The following CNOT11 variants were observed in gnomAD, a reference collection of about 807,000 sequenced individuals.
CNOT11 encodes the protein CCR4-NOT transcription complex subunit 11.
Under a neutral mutation model 44.6 loss-of-function variants are expected in CNOT11, and 18 were observed. That is an observed-to-expected ratio of 0.40 (90% CI 0.28 to 0.60). CNOT11 has a LOEUF of 0.60. Ranked by LOEUF, CNOT11 falls within the 20% of genes least tolerant of loss-of-function variation. CNOT11 has a pLI of 0.38. For synonymous variants in CNOT11, 291 were observed against 270.9 expected (o/e 1.07, Z -0.73); for missense variants, 513 against 677.0 (o/e 0.76, Z 2.69).
intron 1 of CNOT11, among the ~76,000 whole-genome samples, chr2:101,254,799 G>C (rs1028776331): frequency 2.6e-5 from 4 of 152,140 alleles, no homozygotes; most frequent in Non-Finnish European, 5.9e-5. Flanking sequence ...TCAGGAGTTT[G>C]AGGCAGGAGG....
intron 5 of CNOT11, among the ~76,000 whole-genome samples, chr2:101,268,183 C>T (rs1336547360): frequency 2.2e-5 from 3 of 139,254 alleles, no homozygotes; most frequent in African/African-American, 7.7e-5. Context: ...TTGTTGAAAA[C>T]GTGCTGCTGC....
At chr2:101,259,102 C>G (rs927508396) in intron 2 of CNOT11, among the ~76,000 whole-genome samples, 3 of 152,112 alleles carry the variant, frequency 2.0e-5, no homozygotes, top group Non-Finnish European at 2.9e-5. Flanking sequence ...CCACTGCACT[C>G]CAGCCTGCAC....
intron 5 of CNOT11, among the ~76,000 whole-genome samples, chr2:101,267,974 T>A (rs1368211572): frequency 1.3e-5 from 2 of 152,200 alleles, no homozygotes; most frequent in African/African-American, 2.4e-5. Context: ...TGAAAAAATC[T>A]ATGTGAAATT....
At position 101,253,199 on chromosome 2, in the gene CNOT11, G is replaced by T. The variant is rs1681662885; in HGVS notation, c.235G>T (p.Ala79Ser). The T allele has an allele frequency of 3.1e-6, 5 of 1,601,508 alleles. No individual in the cohort carries two copies. The highest frequency in any genetic ancestry group is 4.3e-6 in the Non-Finnish European group (5 of 1,176,072). ...CCTGCTGAGCATCATATCGGAGGAG[G>T]CGGGCGGCGGCAGCACCTTCGAGGG... ...SSLLSIISEE[A>S]GGGSTFEGLS... is the part of the protein sequence containing the mutation. Residue 79 changes from alanine to serine, a missense_variant, in exon 1 of 7, where the codon GCG becomes TCG. By Grantham distance (99) the Ala-to-Ser change is moderately conservative. Around this residue, in one of 4 missense-constraint regions of CNOT11, gnomAD observed 259 missense variants for 265.7 expected, o/e 0.97. Transcript: ENST00000289382. The surrounding 1 kb of genome is among the most constrained non-coding windows in gnomAD (Gnocchi z 4.3).
At chr2:101,257,048 C>CAA (rs552843181) in intron 1 of CNOT11, among the ~76,000 whole-genome samples, 2 of 135,056 alleles carry the variant, frequency 1.5e-5, no homozygotes, top group Non-Finnish European at 3.2e-5. Flanking sequence ...GATTCCATCT[C>CAA]AAAAAAAAAA....
At chr2:101,261,433 G>A (rs1681859652) in intron 2 of CNOT11, among the ~76,000 whole-genome samples, 1 of 152,184 alleles carries the variant, frequency 6.6e-6, no homozygotes, top group African/African-American at 2.4e-5. Flanking sequence ...CCTTCACACT[G>A]TGGAGTACCA....
At position 101,253,125 on chromosome 2, in the gene CNOT11, C is replaced by T. The variant is rs749858892; in HGVS notation, c.161C>T (p.Pro54Leu). 263 of 1,541,824 alleles carry T rather than the reference C, an allele frequency of 1.7e-4. No individual in the cohort carries two copies. Among genetic ancestry groups the T allele is most frequent in the Non-Finnish European group, 2.2e-4 (256 of 1,151,722 alleles). ...ASGPGSGSGGPGGPAGRMSLT... is the reference protein window; with the variant it reads ...ASGPGSGSGGLGGPAGRMSLT... Reference sequence around the variant, plus strand: ...GGCCCCGGGTCCGGGAGCGGAGGCCCGGGGGGCCCCGCGGGCAGGATGAGC... The same window carrying T: ...GGCCCCGGGTCCGGGAGCGGAGGCCTGGGGGGCCCCGCGGGCAGGATGAGC... The change falls in exon 1 of 7, where the codon CCG becomes CTG. Residue 54 changes from proline to leucine, a missense_variant. Physicochemically the swap from Pro to Leu is moderately conservative, Grantham distance 98. Around this residue, in one of 4 missense-constraint regions of CNOT11, gnomAD observed 259 missense variants for 265.7 expected, o/e 0.97. Transcript: ENST00000289382. The surrounding 1 kb of genome is among the most constrained non-coding windows in gnomAD (Gnocchi z 4.3).
chr2:101,261,357 G>T (rs1681857681), intron 2 of CNOT11, among the ~76,000 whole-genome samples: 1 of 152,144 alleles, frequency 6.6e-6, no homozygotes, highest in Non-Finnish European at 1.5e-5. Context: ...TCTGTTGGGG[G>T]TTGACAGATG....
intron 2 of CNOT11, among the ~76,000 whole-genome samples, chr2:101,260,726 A>C (rs1681837285): frequency 6.6e-6 from 1 of 152,206 alleles, no homozygotes; most frequent in Non-Finnish European, 1.5e-5. Context: ...GTTTTACCCT[A>C]ACAATGAGTT....
chr2:101,267,972 TC>T (rs992104227), intron 5 of CNOT11, among the ~76,000 whole-genome samples: 2 of 152,090 alleles, frequency 1.3e-5, no homozygotes, highest in African/African-American at 4.8e-5. Flanking sequence ...TTTGAAAAAA[TC>T]TATGTGAAAT....
Position 101,270,205 on chromosome 2 carries a change from G to GT in CNOT11, c.*793dup, listed in dbSNP as rs1463243641. The GT allele has an allele frequency of 6.6e-6, 1 of 152,612 alleles. No individual in the cohort carries two copies. The highest frequency in any genetic ancestry group is 1.5e-5 in the Non-Finnish European group (1 of 68,052). 9.5% of individuals were successfully genotyped at this position (152,612 alleles called of 1,614,324 possible). A position where few individuals can be genotyped will look rare whatever the true frequency, so the allele number is the denominator to read the frequency against. On this transcript the variant is annotated 3_prime_UTR_variant, in exon 7 of 7. Coordinates refer to ENST00000289382, the MANE Select transcript of CNOT11 (RefSeq NM_017546.5). ...GGGTCTGCACCCTCCTGTCTGGGTG[G>GT]TGGATGTGGGTTTGAGAAGTAGGAG...
chr2:101,265,586 T>C (rs1424482601), intron 4 of CNOT11, among the ~76,000 whole-genome samples: 4 of 152,202 alleles, frequency 2.6e-5, no homozygotes, highest in African/African-American at 9.7e-5. Flanking sequence ...AAAAATGTTC[T>C]AACTTTTCTT....
Position 101,269,505 on chromosome 2 carries a change from T to TAA in CNOT11, c.*93_*94dup. ...AAAACCCTGAGTGGATTGCTTGGTT[T>TAA]AATGCATATAAACAGTACTTTATCT... On this transcript the variant is annotated 3_prime_UTR_variant, in exon 7 of 7. Coordinates refer to ENST00000289382, the MANE Select transcript of CNOT11 (RefSeq NM_017546.5). The surrounding 1 kb of genome is among the most constrained non-coding windows in gnomAD (Gnocchi z 4.8). 9.1e-7 allele frequency: 1 copy of TAA among 1,098,032 alleles called. No individual in the cohort carries two copies. Among genetic ancestry groups the TAA allele is most frequent in the Non-Finnish European group, 1.3e-6 (1 of 746,746 alleles). 68.0% of individuals were successfully genotyped at this position (1,098,032 alleles called of 1,614,324 possible).
At chr2:101,265,824 G>A (rs1681969437) in intron 4 of CNOT11, among the ~76,000 whole-genome samples, 1 of 152,174 alleles carries the variant, frequency 6.6e-6, no homozygotes, top group Non-Finnish European at 1.5e-5. Flanking sequence ...GCCCGAGTGT[G>A]AGACTGGATG....
At chr2:101,268,063 G>C (rs567315803) in intron 5 of CNOT11, among the ~76,000 whole-genome samples, 1 of 152,242 alleles carries the variant, frequency 6.6e-6, no homozygotes, top group South Asian at 2.1e-4. Context: ...GTGGAAGTAC[G>C]TGCATAGAAG....
In CNOT11 at chr2:101,253,216, C is replaced by G. The variant is rs1276949276; in HGVS notation, c.252C>G (p.Thr84=). 6.2e-7 allele frequency: 1 copy of G among 1,607,808 alleles called. No homozygotes were observed. The highest frequency in any genetic ancestry group is 1.7e-5 in the Admixed American group (1 of 59,676). The stretch of plus-strand genomic sequence containing the variant: ...CGGAGGAGGCGGGCGGCGGCAGCAC[C>G]TTCGAGGGCCTGTCCACCGCCTTCC... ...IISEEAGGGS[T]FEGLSTAFHH... Residue 84 remains threonine (T), a synonymous_variant, in exon 1 of 7, where the codon ACC becomes ACG. Coordinates refer to ENST00000289382, the MANE Select transcript of CNOT11 (RefSeq NM_017546.5). The surrounding 1 kb of genome is among the most constrained non-coding windows in gnomAD (Gnocchi z 4.3).
intron 1 of CNOT11, 48 bp from the exon 2 acceptor site, chr2:101,257,742 AT>A (rs745907743): frequency 7.9e-6 from 12 of 1,514,348 alleles, no homozygotes; most frequent in Non-Finnish European, 1.1e-5. Context: ...ATTCAAGTTG[AT>A]TTTTAAAAGT....
At chr2:101,260,918 A>G (rs535971189) in intron 2 of CNOT11, among the ~76,000 whole-genome samples, 1 of 152,046 alleles carries the variant, frequency 6.6e-6, no homozygotes, top group Admixed American at 6.5e-5. Context: ...TTACAGGATA[A>G]TTTTAGTGAG....
chr2:101,257,129 A>C (rs933143682), intron 1 of CNOT11, among the ~76,000 whole-genome samples: 1 of 151,998 alleles, frequency 6.6e-6, no homozygotes, highest in Non-Finnish European at 1.5e-5. Flanking sequence ...ACGGTGACTC[A>C]TGCCTGTAAT....
Sources: gnomAD v4.1 joint callset for allele counts (sites outside exome capture counted in the v4.1 genomes callset) on GRCh38, gnomAD v4.1.1 for gene constraint, gnomAD v4.1.1 regional missense constraint, Gnocchi (gnomAD v3.1) non-coding constraint, MANE v1.5 for transcripts, NCBI Gene and HGNC (gene_info 2026-07-23, HGNC 2026-07-21) for gene names.